RNF220: variants seen among roughly 807,000 people sequenced by gnomAD.
The protein encoded by RNF220 is E3 ubiquitin-protein ligase RNF220.
RNF220 carries 7 observed loss-of-function variants against 67.1 expected under a neutral mutation model. The observed-to-expected ratio is 0.10, with a 90% CI of 0.06 to 0.20. The LOEUF is 0.20. Ranked by LOEUF, RNF220 falls within the 10% of genes least tolerant of loss-of-function variation. The pLI is 1.00. For synonymous variants in RNF220, 270 were observed against 283.2 expected (o/e 0.95, Z 0.47); for missense variants, 565 against 740.3 (o/e 0.76, Z 2.75).
At chr1:44,434,715 A>G (rs1572490002) in intron 2 of RNF220, among the ~76,000 whole-genome samples, 1 of 30,024 alleles carries the variant, frequency 3.3e-5, no homozygotes, top group African/African-American at 7.1e-5. Context: ...AGACTCTCTT[A>G]AAAAAAAAAA....
chr1:44,411,795 T>A (rs1647993551), intron 1 of RNF220, among the ~76,000 whole-genome samples, 186 bp from the exon 2 acceptor site: 1 of 152,128 alleles, frequency 6.6e-6, no homozygotes, highest in Admixed American at 6.5e-5. Flanking sequence ...CACAGTAAGT[T>A]GTCTATTGAT....
intron 2 of RNF220, among the ~76,000 whole-genome samples, chr1:44,609,446 G>A (rs1477021285): frequency 6.6e-6 from 1 of 152,206 alleles, no homozygotes. Context: ...ACACGGTGGG[G>A]AGCTGCAAGG....
At chr1:44,537,610 A>G (rs916975803) in intron 2 of RNF220, among the ~76,000 whole-genome samples, 10 of 152,250 alleles carry the variant, frequency 6.6e-5, no homozygotes, top group East Asian at 3.9e-4. Flanking sequence ...GAGGGAGTCT[A>G]TTCTCTTTAC....
Position 44,405,377 on chromosome 1 carries a change from A to ACTGCTGCTG in RNF220, c.-260_-252dup, listed in dbSNP as rs111665631. On this transcript the variant is annotated 5_prime_UTR_variant, in exon 1 of 15. Coordinates refer to ENST00000361799, the MANE Select transcript of RNF220 (RefSeq NM_018150.4). Reference sequence around the variant, plus strand: ...AACACAAACCCGGGGCCAGCCGCCTACTGCTGCTGCTGCTGCTGCCGCTGC... The same window carrying ACTGCTGCTG: ...AACACAAACCCGGGGCCAGCCGCCTACTGCTGCTGCTGCTGCTGCTGCTGCTGCCGCTGC... The ACTGCTGCTG allele has an allele frequency of 7.7e-3, 4,721 of 611,384 alleles. 34 individuals are homozygous for ACTGCTGCTG. Among genetic ancestry groups the ACTGCTGCTG allele is most frequent in the African/African-American group, 0.015 (768 of 51,920 alleles). The allele number at this position is 611,384 out of a possible 1,614,324, so 37.9% of individuals were successfully genotyped here.
At chr1:44,506,753 C>G (rs1658467054) in intron 2 of RNF220, among the ~76,000 whole-genome samples, 1 of 152,204 alleles carries the variant, frequency 6.6e-6, no homozygotes, top group Non-Finnish European at 1.5e-5. Flanking sequence ...CTGAGCTTCC[C>G]CACTGACTTG....
chr1:44,428,217 A>AT (rs767791124), intron 2 of RNF220, among the ~76,000 whole-genome samples: 1 of 152,048 alleles, frequency 6.6e-6, no homozygotes, highest in African/African-American at 2.4e-5. Context: ...GCCAGAAGGA[A>AT]TTTTTTCTGG....
In RNF220 at chr1:44,408,195, G is replaced by C. The variant is rs1374497265; in HGVS notation, c.-118+2665G>C. ...AAAGAGTTGATTTTTTTTCCCAGTC[G>C]AGACTCTTCCGAGCTGAATAATGCA... On this transcript the variant is annotated intron_variant, in intron 1 of 14. Transcript: ENST00000361799. 3.3e-5 allele frequency among the ~76,000 whole-genome samples: 5 copies of C among 151,972 alleles called. No individual in the cohort carries two copies. The East Asian group carries it at 9.7e-4, about 29-fold the overall frequency.
At position 44,645,174 on chromosome 1, in the gene RNF220, G is replaced by C. The variant is rs1340732875; in HGVS notation, c.1311-47G>C. The C allele has an allele frequency of 1.2e-6, 2 of 1,613,698 alleles. No individual in the cohort carries two copies. The highest frequency in any genetic ancestry group is 2.7e-5 in the African/African-American group (2 of 74,902). On this transcript the variant is annotated intron_variant, in intron 10 of 14. Coordinates refer to ENST00000361799, the MANE Select transcript of RNF220 (RefSeq NM_018150.4). This position sits in a 1 kb window ranked among gnomAD's most constrained non-coding sequence, Gnocchi z 5.0. ...CAGTACTGACCCTCAGGGCTGTCCT[G>C]CCCGCCTTCAGGCCTCACTTTGTTT...
intron 3 of RNF220, among the ~76,000 whole-genome samples, chr1:44,618,962 G>C (rs1356904937): frequency 1.3e-5 from 2 of 152,134 alleles, no homozygotes; most frequent in Non-Finnish European, 2.9e-5. Context: ...GCAAGTGTCT[G>C]AGGGAAGGAG....
In RNF220 at chr1:44,509,639, G is replaced by A. The variant is rs193231824; in HGVS notation, c.625+96917G>A. 2.6e-4 allele frequency among the ~76,000 whole-genome samples: 39 copies of A among 151,678 alleles called. 1 individual carries two copies. In the East Asian group the frequency reaches 5.6e-3, roughly 22 times the overall value. ...GCAGTGGCTCACACCTGTAATCCAA[G>A]CACTTTGGGAGCCCAAAGCAGGCGG... On this transcript the variant is annotated intron_variant, in intron 2 of 14. Coordinates refer to ENST00000361799, the MANE Select transcript of RNF220 (RefSeq NM_018150.4).
chr1:44,632,928 CCTT>C (rs2148476313), intron 6 of RNF220: 1 of 156,598 alleles, frequency 6.4e-6, no homozygotes, highest in African/African-American at 2.4e-5. Flanking sequence ...CTCTTAGAGG[CCTT>C]CTCTGAAAGC....
chr1:44,506,857 G>T (rs1364629590), intron 2 of RNF220, among the ~76,000 whole-genome samples: 1 of 152,118 alleles, frequency 6.6e-6, no homozygotes, highest in Non-Finnish European at 1.5e-5. Flanking sequence ...CTGCCTTATG[G>T]GATTATTGGG....
intron 2 of RNF220, among the ~76,000 whole-genome samples, chr1:44,526,090 T>G (rs993795615): frequency 1.3e-5 from 2 of 152,174 alleles, no homozygotes; most frequent in Non-Finnish European, 2.9e-5. Context: ...TTCCTCACCC[T>G]TTTGCCTTTC....
chr1:44,631,806 AG>A, intron 5 of RNF220: 11 of 698,358 alleles, frequency 1.6e-5, no homozygotes, highest in Non-Finnish European at 1.8e-5. Flanking sequence ...CAGCCGCTAA[AG>A]ATTGGGTGGG....
intron 2 of RNF220, among the ~76,000 whole-genome samples, chr1:44,553,663 A>T (rs1396113496): frequency 6.6e-6 from 1 of 152,204 alleles, no homozygotes; most frequent in Non-Finnish European, 1.5e-5. Flanking sequence ...GTAGGATAAG[A>T]CTGATGAAAA....
intron 2 of RNF220, among the ~76,000 whole-genome samples, chr1:44,519,949 A>G (rs961443514): frequency 6.6e-6 from 1 of 152,134 alleles, no homozygotes; most frequent in African/African-American, 2.4e-5. Context: ...AGATCCATAT[A>G]TTAGAAAGAT....
At chr1:44,585,471 TTAACCATGGCTGTTCTACC>T (rs1192046742) in intron 2 of RNF220, among the ~76,000 whole-genome samples, 1 of 152,242 alleles carries the variant, frequency 6.6e-6, no homozygotes, top group East Asian at 1.9e-4. Context: ...ATTCACTCCG[TTAACCATGGCTGTTCTACC>T]TAAGTCCCTA....
rs754292763 is a variant in RNF220, at chr1:44,412,648, A to G, written c.551A>G (p.Lys184Arg). The change falls in exon 2 of 15, where the codon AAG becomes AGG. Residue 184 changes from lysine to arginine, a missense_variant. Physicochemically the swap from Lys to Arg is conservative, Grantham distance 26. Transcript: ENST00000361799. This position sits in a 1 kb window ranked among gnomAD's most constrained non-coding sequence, Gnocchi z 5.3. ...TCACTAAAGGTTGATGACACTGGGAAGAAGATTTTTGCTGTCTCTGGCCTC... is the reference window on the plus strand; with the variant it reads ...TCACTAAAGGTTGATGACACTGGGAGGAAGATTTTTGCTGTCTCTGGCCTC... ...PGSLKVDDTGKKIFAVSGLIS... is the reference protein window; with the variant it reads ...PGSLKVDDTGRKIFAVSGLIS... 14 of 1,614,134 alleles carry G rather than the reference A, an allele frequency of 8.7e-6. No individual in the cohort carries two copies. Among genetic ancestry groups the G allele is most frequent in the South Asian group, 1.1e-5 (1 of 91,082 alleles).
At chr1:44,558,693 C>T (rs1311677821) in intron 2 of RNF220, among the ~76,000 whole-genome samples, 2 of 152,184 alleles carry the variant, frequency 1.3e-5, no homozygotes, top group Admixed American at 6.5e-5. Flanking sequence ...AGAAAGTTTA[C>T]GGAGCTAGAA....
Sources: gnomAD v4.1 joint callset for allele counts (sites outside exome capture counted in the v4.1 genomes callset) on GRCh38, gnomAD v4.1.1 for gene constraint, Gnocchi (gnomAD v3.1) non-coding constraint, MANE v1.5 for transcripts, NCBI Gene and HGNC (gene_info 2026-07-23, HGNC 2026-07-21) for gene names.